The following ASPHD1 variants were observed in gnomAD, a reference collection of about 807,000 sequenced individuals.
ASPHD1 encodes the protein aspartate beta-hydroxylase domain-containing protein 1.
A neutral mutation model predicts 28.3 loss-of-function variants in ASPHD1; 20 were observed. The observed-to-expected ratio is 0.71, with a 90% CI of 0.50 to 1.03. The LOEUF (loss-of-function observed/expected upper bound fraction) is 1.03. ASPHD1 is among the 50% of genes least tolerant of loss of function. The pLI is 0.00. For missense variants in ASPHD1, 479 were observed against 524.1 expected (o/e 0.91, Z 0.84); for synonymous variants, 240 against 221.2 (o/e 1.08, Z -0.75).
chr16:29,901,590 C>T lies in ASPHD1; in HGVS notation c.619C>T (p.Arg207Trp). 1 of 1,542,126 alleles carries T rather than the reference C, an allele frequency of 6.5e-7. No homozygotes were observed. The highest frequency in any genetic ancestry group is 8.7e-7 in the Non-Finnish European group (1 of 1,152,848). The change falls in exon 1 of 3, where the codon CGG becomes TGG. Residue 207 changes from arginine (R) to tryptophan (W), a missense_variant. By Grantham distance (101) the Arg-to-Trp change is moderately radical (BLOSUM62 -3). Transcript: ENST00000308748. This position sits in a 1 kb window ranked among gnomAD's most constrained non-coding sequence, Gnocchi z 5.1. ...SAPFVPRDAQ[R>W]HDVELLESSF... Reference sequence around the variant, plus strand: ...CCCCTTTGTGCCGCGGGACGCCCAGCGGCACGACGTGGAGCTCCTGGAGAG... The same window carrying T: ...CCCCTTTGTGCCGCGGGACGCCCAGTGGCACGACGTGGAGCTCCTGGAGAG...
At chr16:29,919,439 C>T (rs576759184) in intron 3 of ASPHD1, 273 of 152,224 alleles carry the variant, frequency 1.8e-3, no homozygotes, top group African/African-American at 6.1e-3. Flanking sequence ...TAATTACATT[C>T]GTGCCATAGA....
chr16:29,908,114 G>C (rs996418324), downstream of ASPHD1, among the ~76,000 whole-genome samples: 1 of 152,160 alleles, frequency 6.6e-6, no homozygotes, highest in African/African-American at 2.4e-5. Context: ...CACTGAGAAG[G>C]TGATATTTGA....
At chr16:29,906,468 T>G (rs1360154966), downstream of ASPHD1, 4 of 461,154 alleles carry the variant, frequency 8.7e-6, no homozygotes, top group Non-Finnish European at 1.3e-5. Context: ...GTAGGGAGGA[T>G]GGTGGGGAGG....
downstream of ASPHD1, among the ~76,000 whole-genome samples, chr16:29,909,524 T>G (rs928886407): frequency 2.0e-5 from 3 of 152,086 alleles, no homozygotes; most frequent in African/African-American, 7.2e-5. Flanking sequence ...TCCCCTTGAT[T>G]TCCAGCCCGG....
chr16:29,901,303 G>C lies in ASPHD1; in HGVS notation c.332G>C (p.Arg111Pro), dbSNP rs750142166. 2 of 1,611,454 alleles carry C rather than the reference G, an allele frequency of 1.2e-6. No individual in the cohort carries two copies. The highest frequency in any genetic ancestry group is 1.7e-5 in the Admixed American group (1 of 59,796). The change falls in exon 1 of 3, where the codon CGA (arginine) becomes CCA (proline). Residue 111 changes from arginine to proline, a missense_variant. Transcript: ENST00000308748. This position sits in a 1 kb window ranked among gnomAD's most constrained non-coding sequence, Gnocchi z 5.1. ...ATGCAGGCCCTAGGGGCTGGGAGCC[G>C]AGCTGGGGGTGTTCGTGGTGGGCCT... ...QDMQALGAGS[R>P]AGGVRGGPVG...
At chr16:29,911,930 C>T in intron 3 of ASPHD1, 2 of 1,609,140 alleles carry the variant, frequency 1.2e-6, no homozygotes, top group African/African-American at 1.3e-5. Flanking sequence ...CCCCAGTGAG[C>T]CTCCACCCTG....
At chr16:29,907,990 A>G (rs947280654), downstream of ASPHD1, among the ~76,000 whole-genome samples, 10 of 151,834 alleles carry the variant, frequency 6.6e-5, no homozygotes, top group African/African-American at 9.7e-5. Context: ...AAAAAAAAAA[A>G]AAGAGAGAGA....
chr16:29,905,761 C>T lies in ASPHD1; in HGVS notation c.1064-27C>T, dbSNP rs755722596. The T allele has an allele frequency of 4.5e-6, 7 of 1,565,440 alleles. No homozygotes were observed. In the Admixed American group the frequency reaches 1.0e-4, roughly 23 times the overall value. On this transcript the variant is annotated intron_variant, in intron 2 of 2. Coordinates refer to ENST00000308748, the MANE Select transcript of ASPHD1 (RefSeq NM_181718.4). ...GTGCAAGTACCTAATGTCAGTGGCT[C>T]TGCTGTTCCTGTCCCATGTGCCCTA...
chr16:29,912,750 T>C (rs2068738906), intron 3 of ASPHD1, among the ~76,000 whole-genome samples: 1 of 152,238 alleles, frequency 6.6e-6, no homozygotes. Context: ...TATCAGTTCA[T>C]TTTCTACACA....
Position 29,906,045 on chromosome 16 carries a change from A to C in ASPHD1, c.*148A>C. The C allele has an allele frequency of 1.8e-6, 1 of 561,934 alleles. No homozygotes were observed. Among genetic ancestry groups the C allele is most frequent in the Non-Finnish European group, 3.1e-6 (1 of 325,870 alleles). 34.8% of individuals were successfully genotyped at this position (561,934 alleles called of 1,614,324 possible). ...GTGAGCACTGAAATATAAATTCTGA[A>C]TCCTCTCCTAACTCCCGACTACTTC... On this transcript the variant is annotated 3_prime_UTR_variant, in exon 3 of 3. Coordinates refer to ENST00000308748, the MANE Select transcript of ASPHD1 (RefSeq NM_181718.4).
At chr16:29,916,428 C>G (rs2068811033) in intron 3 of ASPHD1, among the ~76,000 whole-genome samples, 5 of 152,188 alleles carry the variant, frequency 3.3e-5, no homozygotes, top group Admixed American at 3.3e-4. Flanking sequence ...CTAACAATCT[C>G]CTCAAAGTCC....
chr16:29,905,629 GAAAA>G (rs770029376), intron 2 of ASPHD1, among the ~76,000 whole-genome samples, 155 bp from the exon 3 acceptor site: 3 of 49,788 alleles, frequency 6.0e-5, no homozygotes, highest in Admixed American at 2.1e-4. Context: ...TCCATCTCAG[GAAAA>G]AAAAAAAAAA....
In ASPHD1 at chr16:29,900,922, T is replaced by C; in HGVS notation, c.-50T>C. On this transcript the variant is annotated 5_prime_UTR_variant, in exon 1 of 3. Coordinates refer to ENST00000308748, the MANE Select transcript of ASPHD1 (RefSeq NM_181718.4). Reference sequence around the variant, plus strand: ...ACAGAGGGAGAGGAGGAAGAAGAGGTAGAAGGAGAGAGAAAGGGGAGAGAA... The same window carrying C: ...ACAGAGGGAGAGGAGGAAGAAGAGGCAGAAGGAGAGAGAAAGGGGAGAGAA... 3.4e-6 allele frequency: 5 copies of C among 1,475,142 alleles called. No individual in the cohort carries two copies. Among genetic ancestry groups the C allele is most frequent in the Non-Finnish European group, 4.6e-6 (5 of 1,092,884 alleles). The allele number at this position is 1,475,142 out of a possible 1,614,324, so 91.4% of individuals were successfully genotyped here.
At chr16:29,916,173 C>A (rs925684240) in intron 3 of ASPHD1, among the ~76,000 whole-genome samples, 4 of 152,136 alleles carry the variant, frequency 2.6e-5, no homozygotes, top group African/African-American at 7.2e-5. Context: ...TTTCCAATAG[C>A]ATTTTCCTAA....
intron 2 of ASPHD1, 23 bp downstream of exon 2, chr16:29,904,988 G>C: frequency 3.2e-6 from 5 of 1,552,410 alleles, no homozygotes; most frequent in Non-Finnish European, 4.4e-6. Context: ...CCATTCTGCA[G>C]GGGGGATGAG....
chr16:29,910,904 C>T, downstream of ASPHD1: 1 of 1,443,208 alleles, frequency 6.9e-7, no homozygotes, highest in Non-Finnish European at 9.5e-7. Context: ...CCTTCCCCTG[C>T]CAACCTGCTT....
At position 29,900,979 on chromosome 16, in the gene ASPHD1, A is replaced by G. The variant is rs1416785548; in HGVS notation, c.8A>G (p.Glu3Gly). 1 of 1,553,614 alleles carries G rather than the reference A, an allele frequency of 6.4e-7. No homozygotes were observed. Among genetic ancestry groups the G allele is most frequent in the African/African-American group, 1.4e-5 (1 of 72,918 alleles). ...GAGGAGGGTTGGAGGTGCATGAAGG[A>G]GGGGAGAGGGAGCTTCAGCGTGGAG... is the stretch of plus-strand genomic sequence containing the variant. MK[E>G]GRGSFSVERG... Residue 3 changes from glutamate to glycine, a missense_variant, in exon 1 of 3, where the codon GAG becomes GGG. Coordinates refer to ENST00000308748, the MANE Select transcript of ASPHD1 (RefSeq NM_181718.4).
chr16:29,908,476 C>T (rs1279531724), downstream of ASPHD1, among the ~76,000 whole-genome samples: 8 of 152,102 alleles, frequency 5.3e-5, no homozygotes, highest in Admixed American at 5.2e-4. Context: ...CCTCCACTTC[C>T]CAAGTTCAAG....
chr16:29,907,862 G>A (rs563690784), downstream of ASPHD1, among the ~76,000 whole-genome samples: 4 of 152,096 alleles, frequency 2.6e-5, no homozygotes, highest in African/African-American at 9.6e-5. Context: ...TATAAGCTGG[G>A]TGTGGTGTCT....
Sources: allele counts gnomAD v4.1 joint callset (sites outside exome capture counted in the v4.1 genomes callset), GRCh38; gene constraint gnomAD v4.1.1; non-coding constraint Gnocchi (gnomAD v3.1); transcripts MANE v1.5; gene names NCBI Gene and HGNC (gene_info 2026-07-23, HGNC 2026-07-21).